Variants in SH3PXD2A observed in about 807,000 individuals in gnomAD.
The protein encoded by SH3PXD2A is SH3 and PX domains 2A, also known as SH3 and PX domain-containing protein 2A.
SH3PXD2A carries 32 observed loss-of-function variants against 115.2 expected under a neutral mutation model. The ratio of observed to expected loss-of-function variants is 0.28; its 90% CI spans 0.21 to 0.37. SH3PXD2A has a LOEUF of 0.37. SH3PXD2A is among the 10% of genes least tolerant of loss of function. The probability of loss-of-function intolerance (pLI) is 1.00; values close to 1 mark genes in which losing one functional copy is unlikely to be tolerated. For missense variants in SH3PXD2A, 1,328 were observed against 1,498.7 expected (o/e 0.89, Z 1.88); for synonymous variants, 610 against 629.1 (o/e 0.97, Z 0.45).
At chr10:103,740,944 G>A (rs1364571463) in intron 3 of SH3PXD2A, among the ~76,000 whole-genome samples, 1 of 152,212 alleles carries the variant, frequency 6.6e-6, no homozygotes, top group African/African-American at 2.4e-5. Flanking sequence ...GCTCTCAGGA[G>A]TTTACCTTCC....
At chr10:103,834,273 C>T (rs371271038) in intron 1 of SH3PXD2A, among the ~76,000 whole-genome samples, 9 of 152,102 alleles carry the variant, frequency 5.9e-5, no homozygotes, top group Admixed American at 2.6e-4. Flanking sequence ...GCTCACCCTA[C>T]GAGCCAATGA....
chr10:103,710,434 G>A (rs1024049006), intron 5 of SH3PXD2A, among the ~76,000 whole-genome samples: 1 of 152,162 alleles, frequency 6.6e-6, no homozygotes, highest in Non-Finnish European at 1.5e-5. Flanking sequence ...CACATGGTGA[G>A]ATACAGTAAT....
chr10:103,810,845 C>CA (rs139986533), intron 1 of SH3PXD2A, among the ~76,000 whole-genome samples: 1 of 149,714 alleles, frequency 6.7e-6, no homozygotes, highest in African/African-American at 2.5e-5. Flanking sequence ...ACAACACACA[C>CA]ACACAGACAC....
intron 4 of SH3PXD2A, among the ~76,000 whole-genome samples, chr10:103,734,455 T>C (rs1199484331): frequency 6.6e-6 from 1 of 152,202 alleles, no homozygotes; most frequent in African/African-American, 2.4e-5. Context: ...CTCAAAAACA[T>C]GTTAAAAATA....
chr10:103,740,184 T>C (rs891000774), intron 3 of SH3PXD2A, among the ~76,000 whole-genome samples: 9 of 152,220 alleles, frequency 5.9e-5, no homozygotes, highest in Non-Finnish European at 1.0e-4. Flanking sequence ...AAGCAAGTAC[T>C]TTAACCAGGC....
intron 7 of SH3PXD2A, chr10:103,661,546 G>T: frequency 3.2e-6 from 2 of 627,502 alleles, no homozygotes; most frequent in Non-Finnish European, 4.0e-6. Flanking sequence ...AGGGCGGCGA[G>T]CCAGCGGGTG....
rs1483084884 is a variant in SH3PXD2A at position 103,601,901 on chromosome 10, T to C, written c.3317A>G (p.Asn1106Ser). The change falls in exon 15 of 15, where the codon AAT becomes AGT. Residue 1106 changes from asparagine (N) to serine (S), a missense_variant. By Grantham distance (46) the Asn-to-Ser change is conservative. Coordinates refer to ENST00000369774, the MANE Select transcript of SH3PXD2A (RefSeq NM_001394015.1). Reference sequence around the variant, plus strand: ...CAGGATCTGGCAGTACCACCAGCCATTAGGGTTCCTCTCCAGAACCTCCAT... The same window carrying C: ...CAGGATCTGGCAGTACCACCAGCCACTAGGGTTCCTCTCCAGAACCTCCAT... ...VSMEVLERNP[N>S]GWWYCQILDG... 6.2e-7 allele frequency: 1 copy of C among 1,613,794 alleles called. No homozygotes were observed. Among genetic ancestry groups the C allele is most frequent in the Non-Finnish European group, 8.5e-7 (1 of 1,179,874 alleles).
chr10:103,833,877 C>A (rs1186708615), intron 1 of SH3PXD2A, among the ~76,000 whole-genome samples: 1 of 152,290 alleles, frequency 6.6e-6, no homozygotes, highest in African/African-American at 2.4e-5. Context: ...TTCACCAGAA[C>A]TTGGTAAGAG....
intron 2 of SH3PXD2A, among the ~76,000 whole-genome samples, chr10:103,785,298 CA>C (rs750515575): frequency 1.6e-4 from 25 of 152,146 alleles, no homozygotes; most frequent in Non-Finnish European, 2.8e-4. Flanking sequence ...GAACAGCTAG[CA>C]TGGGGGTGGG....
intron 14 of SH3PXD2A, among the ~76,000 whole-genome samples, chr10:103,605,159 A>C (rs7911848): frequency 6.6e-6 from 1 of 152,118 alleles, no homozygotes; most frequent in Admixed American, 6.5e-5. Flanking sequence ...TGTTTTGCAG[A>C]GAGAAATGCT....
chr10:103,696,422 A>G (rs2037824562), intron 5 of SH3PXD2A, among the ~76,000 whole-genome samples: 1 of 152,146 alleles, frequency 6.6e-6, no homozygotes, highest in Non-Finnish European at 1.5e-5. Context: ...CCACTGCCCT[A>G]TAACCAGTTC....
intron 3 of SH3PXD2A, among the ~76,000 whole-genome samples, chr10:103,753,165 T>C (rs1204459507): frequency 6.6e-6 from 1 of 151,800 alleles, no homozygotes; most frequent in Non-Finnish European, 1.5e-5. Flanking sequence ...TCAATCCCAC[T>C]TTGTGGCAAG....
At position 103,603,094 on chromosome 10, in the gene SH3PXD2A, G is replaced by C. The variant is rs574622744; in HGVS notation, c.2124C>G (p.Ser708=). The change falls in exon 15 of 15, where the codon TCC becomes TCG. Residue 708 remains serine, a synonymous_variant. Transcript: ENST00000369774. The part of the protein sequence containing the change: ...TTCCSSSSSS[S]SSLSKTSGDL... Reference sequence around the variant, plus strand: ...CGCCACTGGTTTTGGACAAGGAAGAGGAGGAGGAGGAAGAGGAGGAGCAGC... The same window carrying C: ...CGCCACTGGTTTTGGACAAGGAAGACGAGGAGGAGGAAGAGGAGGAGCAGC... The C allele has an allele frequency of 6.2e-7, 1 of 1,611,368 alleles. No individual in the cohort carries two copies. Among genetic ancestry groups the C allele is most frequent in the Middle Eastern group, 1.7e-4 (1 of 6,058 alleles).
intron 14 of SH3PXD2A, 133 bp from the exon 15 acceptor site, chr10:103,603,922 G>C (rs1000762858): frequency 5.0e-6 from 5 of 1,008,754 alleles, no homozygotes; most frequent in East Asian, 2.9e-5. Flanking sequence ...GAGCCACTGA[G>C]TAAGTGGCCC....
chr10:103,724,346 G>A lies in SH3PXD2A; in HGVS notation c.322C>T (p.Pro108Ser). The A allele has an allele frequency of 1.3e-6, 2 of 1,579,162 alleles. No homozygotes were observed. Among genetic ancestry groups the A allele is most frequent in the Non-Finnish European group, 1.7e-6 (2 of 1,166,078 alleles). ...DEYCRALVRL[P>S]PHISQCDEVF... is the part of the protein sequence containing the mutation. ...TCGTCACACTGTGAGATGTGGGGGG[G>A]CAGCCGGACAAGTGCCTGTGGAGAG... The change falls in exon 5 of 15, where the codon CCC becomes TCC. Residue 108 changes from proline (P) to serine (S), a missense_variant. Physicochemically the swap from Pro to Ser is moderately conservative, Grantham distance 74. Coordinates refer to ENST00000369774, the MANE Select transcript of SH3PXD2A (RefSeq NM_001394015.1).
chr10:103,634,080 C>G (rs531435231), intron 8 of SH3PXD2A, among the ~76,000 whole-genome samples: 2 of 152,208 alleles, frequency 1.3e-5, no homozygotes, highest in Non-Finnish European at 2.9e-5. Context: ...GAGGTAGGAG[C>G]GGAGGCCAGG....
Position 103,637,077 on chromosome 10 carries a change from C to T in SH3PXD2A, c.605-9875G>A, listed in dbSNP as rs570959655. 3.9e-5 allele frequency among the ~76,000 whole-genome samples: 6 copies of T among 152,316 alleles called. 1 individual carries two copies. In the South Asian group the frequency reaches 1.0e-3, roughly 26 times the overall value. ...GCAAGTATTTCCCGAGCACCTGGTA[C>T]GGGCCAGGTCCTGTTCCAGGCACGA... is the stretch of plus-strand genomic sequence containing the variant. On this transcript the variant is annotated intron_variant, in intron 8 of 14. Coordinates refer to ENST00000369774, the MANE Select transcript of SH3PXD2A (RefSeq NM_001394015.1).
chr10:103,646,151 G>A (rs1254181957), intron 8 of SH3PXD2A, among the ~76,000 whole-genome samples: 4 of 152,074 alleles, frequency 2.6e-5, no homozygotes, highest in African/African-American at 9.7e-5. Context: ...GCAGCAAATG[G>A]GTCTAACTTG....
intron 1 of SH3PXD2A, among the ~76,000 whole-genome samples, chr10:103,811,264 C>A (rs1201952684): frequency 6.6e-6 from 1 of 152,122 alleles, no homozygotes; most frequent in Non-Finnish European, 1.5e-5. Flanking sequence ...TTACAGCCCC[C>A]AGAACGAGAA....
Sources: allele counts gnomAD v4.1 joint callset (sites outside exome capture counted in the v4.1 genomes callset), GRCh38; gene constraint gnomAD v4.1.1; transcripts MANE v1.5; gene names NCBI Gene and HGNC (gene_info 2026-07-23, HGNC 2026-07-21).